GLRB: variants seen among roughly 807,000 people sequenced by gnomAD.
GLRB encodes the protein glycine receptor subunit beta.
Under a neutral mutation model 54.2 loss-of-function variants are expected in GLRB, and 33 were observed. That is an observed-to-expected ratio of 0.61 (90% CI 0.46 to 0.81). GLRB has a LOEUF of 0.81. Ranked by LOEUF, GLRB falls within the 40% of genes least tolerant of loss-of-function variation. GLRB has a pLI of 0.00. For synonymous variants in GLRB, 209 were observed against 208.2 expected (o/e 1.00, Z -0.03); for missense variants, 572 against 584.6 (o/e 0.98, Z 0.22).
chr4:157,114,493 A>G (rs1467053666), intron 2 of GLRB, among the ~76,000 whole-genome samples: 3 of 151,658 alleles, frequency 2.0e-5, no homozygotes, highest in Non-Finnish European at 4.4e-5. Flanking sequence ...TTTATTTTTT[A>G]CAATTAAAGA....
chr4:157,083,018 A>G (rs1197369232), intron 2 of GLRB, among the ~76,000 whole-genome samples: 2 of 149,948 alleles, frequency 1.3e-5, no homozygotes, highest in African/African-American at 4.9e-5. Flanking sequence ...TAGTATTTTA[A>G]GAAAGACATT....
At chr4:157,120,509 T>G (rs760092400) in intron 2 of GLRB, 47 bp from the exon 3 acceptor site, 4 of 964,248 alleles carry the variant, frequency 4.1e-6, no homozygotes, top group Admixed American at 1.7e-5. Flanking sequence ...CCATTTCTGT[T>G]GTTTGCTATT....
At chr4:157,126,888 C>A (rs1012953747) in intron 4 of GLRB, among the ~76,000 whole-genome samples, 7 of 151,850 alleles carry the variant, frequency 4.6e-5, no homozygotes, top group African/African-American at 9.7e-5. Flanking sequence ...CCTGTTTATA[C>A]AATCTATTTT....
chr4:157,101,670 G>T (rs1256479459), intron 2 of GLRB, among the ~76,000 whole-genome samples: 1 of 151,890 alleles, frequency 6.6e-6, no homozygotes, highest in East Asian at 1.9e-4. Flanking sequence ...TGCATCTTCT[G>T]TAGTATACTT....
intron 2 of GLRB, among the ~76,000 whole-genome samples, chr4:157,094,340 C>T (rs975426732): frequency 5.3e-5 from 8 of 152,158 alleles, no homozygotes; most frequent in African/African-American, 1.9e-4. Flanking sequence ...TGCTCACTAA[C>T]TCTGTAAGAT....
chr4:157,128,447 GA>G (rs1736094395), intron 4 of GLRB, among the ~76,000 whole-genome samples: 1 of 151,914 alleles, frequency 6.6e-6, no homozygotes, highest in Non-Finnish European at 1.5e-5. Context: ...TAGTGGATAT[GA>G]AAAAAATTAA....
At chr4:157,097,832 C>A (rs1454122741) in intron 2 of GLRB, among the ~76,000 whole-genome samples, 2 of 152,052 alleles carry the variant, frequency 1.3e-5, no homozygotes, top group Admixed American at 1.3e-4. Context: ...ACCAGCCTGG[C>A]CACAATGGTG....
At chr4:157,132,667 T>G (rs762153028) in intron 4 of GLRB, among the ~76,000 whole-genome samples, 23 of 151,954 alleles carry the variant, frequency 1.5e-4, no homozygotes, top group Non-Finnish European at 2.9e-4. Flanking sequence ...CCTGAGGATA[T>G]GGACCCCATG....
At chr4:157,164,649 TA>T (rs1737643522) in intron 9 of GLRB, among the ~76,000 whole-genome samples, 1 of 152,152 alleles carries the variant, frequency 6.6e-6, no homozygotes, top group Non-Finnish European at 1.5e-5. Flanking sequence ...GTTACTACAT[TA>T]AATTAAATGT....
intron 9 of GLRB, among the ~76,000 whole-genome samples, chr4:157,163,204 G>A (rs994424213): frequency 1.3e-5 from 2 of 152,134 alleles, no homozygotes; most frequent in Admixed American, 1.3e-4. Context: ...ATTATGGTGG[G>A]AGTGTCCCGA....
At chr4:157,088,028 G>T (rs1190928255) in intron 2 of GLRB, among the ~76,000 whole-genome samples, 1 of 152,094 alleles carries the variant, frequency 6.6e-6, no homozygotes, top group African/African-American at 2.4e-5. Context: ...GTTCCTCTGA[G>T]AAATGATGTA....
Position 157,170,749 on chromosome 4 carries a change from A to C in GLRB, c.*21A>C, listed in dbSNP as rs1247623750. ...TATGATAAATCTTTTCCATTTGTACAAAATAAAATTCCATTTCATTGTGAC... is the reference window on the plus strand; with the variant it reads ...TATGATAAATCTTTTCCATTTGTACCAAATAAAATTCCATTTCATTGTGAC... On this transcript the variant is annotated 3_prime_UTR_variant, in exon 10 of 10. Transcript: ENST00000264428. 3 of 1,348,578 alleles carry C rather than the reference A, an allele frequency of 2.2e-6. No homozygotes were observed. The highest frequency in any genetic ancestry group is 2.3e-5 in the Admixed American group (1 of 42,910). 83.5% of individuals were successfully genotyped at this position (1,348,578 alleles called of 1,614,324 possible).
intron 2 of GLRB, chr4:157,084,781 A>G (rs1183356536): frequency 2.3e-6 from 1 of 442,190 alleles, no homozygotes; most frequent in African/African-American, 2.0e-5. Flanking sequence ...CTGCTTGGGT[A>G]TTATATTAGC....
intron 7 of GLRB, among the ~76,000 whole-genome samples, chr4:157,141,069 T>G (rs576523675): frequency 1.8e-4 from 27 of 152,024 alleles, no homozygotes; most frequent in African/African-American, 6.3e-4. Flanking sequence ...ACGTAAAATA[T>G]AATTCATTTT....
intron 4 of GLRB, among the ~76,000 whole-genome samples, chr4:157,129,061 C>T (rs1234279667): frequency 6.6e-6 from 1 of 151,648 alleles, no homozygotes; most frequent in African/African-American, 2.4e-5. Flanking sequence ...GAAACTTAAC[C>T]GATTATAGTG....
intron 2 of GLRB, 68 bp downstream of exon 2, chr4:157,078,214 G>A (rs1478866986): frequency 1.3e-6 from 2 of 1,598,888 alleles, no homozygotes; most frequent in Non-Finnish European, 1.7e-6. Context: ...AAGTAAGGTG[G>A]TTTATGAAGA....
intron 4 of GLRB, among the ~76,000 whole-genome samples, chr4:157,130,721 G>A (rs1299650451): frequency 1.3e-5 from 2 of 151,742 alleles, no homozygotes; most frequent in East Asian, 1.9e-4. Context: ...GTGTACAAGT[G>A]TATCTGTTGG....
At chr4:157,149,847 CT>C (rs1212554215) in intron 8 of GLRB, among the ~76,000 whole-genome samples, 8 of 151,808 alleles carry the variant, frequency 5.3e-5, no homozygotes, top group Non-Finnish European at 8.8e-5. Context: ...TCCTTTCTTT[CT>C]TCCTCTCTTT....
At chr4:157,093,220 C>G (rs1001082708) in intron 2 of GLRB, among the ~76,000 whole-genome samples, 15 of 152,038 alleles carry the variant, frequency 9.9e-5, no homozygotes, top group Middle Eastern at 3.4e-3. Flanking sequence ...ACAATCTTCC[C>G]TTTCATAGAT....
Sources: gnomAD v4.1 joint callset for allele counts (sites outside exome capture counted in the v4.1 genomes callset) on GRCh38, gnomAD v4.1.1 for gene constraint, MANE v1.5 for transcripts, NCBI Gene and HGNC (gene_info 2026-07-23, HGNC 2026-07-21) for gene names.